HELZ: variants seen among roughly 807,000 people sequenced by gnomAD.
HELZ encodes helicase with zinc finger, also known as ATP-dependent RNA helicase with zinc finger domain.
Under a neutral mutation model 218.2 loss-of-function variants are expected in HELZ, and 23 were observed. The observed-to-expected ratio is 0.11, with a 90% CI of 0.08 to 0.15. The LOEUF (loss-of-function observed/expected upper bound fraction) is 0.15, where lower values mean the gene tolerates loss of function less well. HELZ is among the 10% of genes least tolerant of loss of function. HELZ has a pLI of 1.00. For synonymous variants in HELZ, 814 were observed against 829.4 expected, an observed-to-expected ratio of 0.98 and a Z score of 0.32; for missense variants, 1,813 against 2,353.7, an observed-to-expected ratio of 0.77 and a Z score of 4.75.
rs769150781 is a variant in HELZ at position 67,114,381 on chromosome 17, G to A, written c.3861C>T (p.Ser1287=). 1.1e-5 allele frequency: 17 copies of A among 1,608,270 alleles called. No homozygotes were observed. Among genetic ancestry groups the A allele is most frequent in the East Asian group, 2.2e-5 (1 of 44,802 alleles). Residue 1287 remains serine (S), a synonymous_variant, in exon 28 of 33, where the codon TCC becomes TCT. Transcript: ENST00000358691. The part of the protein sequence containing the change: ...NRNGKSDTNN[S]GPEINKIRTP... The stretch of plus-strand genomic sequence containing the variant: ...TTCGAATCTTATTAATTTCAGGTCC[G>A]GAATTATTTGTATCACTTTTACCTA...
At chr17:67,114,896 G>A (rs959058893) in intron 27 of HELZ, among the ~76,000 whole-genome samples, 5 of 152,124 alleles carry the variant, frequency 3.3e-5, no homozygotes, top group South Asian at 2.1e-4. Context: ...ATATCAAACC[G>A]TGTATAAGTG....
At chr17:67,155,528 T>C (rs1049203723) in intron 17 of HELZ, among the ~76,000 whole-genome samples, 2 of 152,238 alleles carry the variant, frequency 1.3e-5, no homozygotes, top group Non-Finnish European at 2.9e-5. Context: ...TGCATATTAT[T>C]TGTTAGGAGC....
intron 1 of HELZ, chr17:67,244,836 A>G: frequency 1.0e-6 from 1 of 985,392 alleles, no homozygotes; most frequent in Non-Finnish European, 1.2e-6. Flanking sequence ...GGGCCGGAGA[A>G]ACCTCCCGCA....
In HELZ at chr17:67,104,219, G is replaced by A. The variant is rs935740377; in HGVS notation, c.5241+2950C>T. 3.3e-5 allele frequency among the ~76,000 whole-genome samples: 5 copies of A among 152,170 alleles called. No individual in the cohort carries two copies. In the South Asian group the frequency reaches 8.3e-4, roughly 25 times the overall value. On this transcript the variant is annotated intron_variant, in intron 31 of 32. Transcript: ENST00000358691. ...GGAGGCCGAGGCGAGCAGATCACGA[G>A]GTCAGGAGATTGAGACTATCCTGGC...
At chr17:67,104,231 G>A (rs887940854) in intron 31 of HELZ, among the ~76,000 whole-genome samples, 3 of 151,932 alleles carry the variant, frequency 2.0e-5, no homozygotes, top group African/African-American at 7.3e-5. Flanking sequence ...TCAGGAGATT[G>A]AGACTATCCT....
intron 29 of HELZ, 43 bp downstream of exon 29, chr17:67,109,073 A>T: frequency 1.4e-6 from 2 of 1,431,572 alleles, no homozygotes; most frequent in Non-Finnish European, 1.9e-6. Flanking sequence ...AAGTCATGTT[A>T]AGTAATCTCT....
intron 7 of HELZ, among the ~76,000 whole-genome samples, chr17:67,195,896 G>C (rs2040015295): frequency 7.3e-6 from 1 of 136,064 alleles, no homozygotes; most frequent in Admixed American, 8.3e-5. Context: ...CTTTTGCCCA[G>C]GCTGGAGTGA....
intron 13 of HELZ, among the ~76,000 whole-genome samples, chr17:67,175,500 T>G (rs1167013445): frequency 6.6e-6 from 1 of 152,218 alleles, no homozygotes; most frequent in East Asian, 1.9e-4. Flanking sequence ...AACAAAATAC[T>G]CTTTTAAGCA....
At chr17:67,189,467 T>G in intron 11 of HELZ, 122 bp downstream of exon 11, 1 of 622,452 alleles carries the variant, frequency 1.6e-6, no homozygotes, top group Admixed American at 2.8e-5. Flanking sequence ...ATATAGAACC[T>G]ATATATAATG....
In HELZ at chr17:67,128,700, C is replaced by T; in HGVS notation, c.3338G>A (p.Arg1113Lys). The part of the protein sequence containing the change: ...LAPEFIPRAL[R>K]LQHSGSTNKQ... ...GTTGGTACTTCCTGAATGCTGCAGT[C>T]TTAGAGCCCGGGGGATAAATTCAGG... Residue 1113 changes from arginine (R) to lysine (K), a missense_variant, in exon 24 of 33, where the codon AGA (arginine) becomes AAA (lysine). Coordinates refer to ENST00000358691, the MANE Select transcript of HELZ (RefSeq NM_014877.4). 6.2e-7 allele frequency: 1 copy of T among 1,614,148 alleles called. No individual in the cohort carries two copies. Among genetic ancestry groups the T allele is most frequent in the Non-Finnish European group, 8.5e-7 (1 of 1,180,016 alleles).
At chr17:67,242,545 CACACATATATGTATATATACACACATATA>C (rs1567923157) in intron 2 of HELZ, among the ~76,000 whole-genome samples, 29 of 131,432 alleles carry the variant, frequency 2.2e-4, no homozygotes, top group Non-Finnish European at 4.5e-4. Flanking sequence ...TGTATATATA[CACACATATATGTATATATACACACATATA>C]TGTATATATA....
At chr17:67,099,813 T>A (rs1213384986) in intron 31 of HELZ, among the ~76,000 whole-genome samples, 2 of 152,048 alleles carry the variant, frequency 1.3e-5, no homozygotes, top group East Asian at 3.8e-4. Flanking sequence ...AATCACCAAG[T>A]AAGAGCTAAA....
chr17:67,079,320 T>G (rs1212642117), intron 32 of HELZ, among the ~76,000 whole-genome samples: 1 of 152,246 alleles, frequency 6.6e-6, no homozygotes, highest in African/African-American at 2.4e-5. Flanking sequence ...AAGAAGAAAG[T>G]CATTCATACT....
At chr17:67,177,783 A>G (rs962442721) in intron 13 of HELZ, among the ~76,000 whole-genome samples, 1 of 152,166 alleles carries the variant, frequency 6.6e-6, no homozygotes, top group Non-Finnish European at 1.5e-5. Context: ...AAGTTAGATC[A>G]TAACTAATCT....
At chr17:67,209,525 A>G (rs543053227) in intron 5 of HELZ, among the ~76,000 whole-genome samples, 2 of 152,226 alleles carry the variant, frequency 1.3e-5, no homozygotes, top group South Asian at 4.2e-4. Flanking sequence ...TTGAACCCAG[A>G]AGGCAGAGGT....
At chr17:67,155,364 G>A (rs553593680) in intron 17 of HELZ, among the ~76,000 whole-genome samples, 2 of 152,296 alleles carry the variant, frequency 1.3e-5, no homozygotes, top group South Asian at 2.1e-4. Flanking sequence ...AATTATCTAA[G>A]AGCTGTAACA....
intron 24 of HELZ, among the ~76,000 whole-genome samples, chr17:67,126,894 A>G (rs2037816850): frequency 6.6e-6 from 1 of 152,186 alleles, no homozygotes; most frequent in Non-Finnish European, 1.5e-5. Context: ...TGTAGCACTA[A>G]GCTAGAGCTA....
At chr17:67,216,955 C>T (rs1428032655) in intron 4 of HELZ, among the ~76,000 whole-genome samples, 1 of 152,188 alleles carries the variant, frequency 6.6e-6, no homozygotes, top group Non-Finnish European at 1.5e-5. Context: ...GCCCAAGACT[C>T]GGCCCTCAGT....
At chr17:67,183,792 T>C (rs1030498983) in intron 12 of HELZ, among the ~76,000 whole-genome samples, 1 of 152,018 alleles carries the variant, frequency 6.6e-6, no homozygotes, top group Non-Finnish European at 1.5e-5. Flanking sequence ...GAAAAGCCTA[T>C]CCTTAGTCCA....
Sources: gnomAD v4.1 joint callset for allele counts (sites outside exome capture counted in the v4.1 genomes callset) on GRCh38, gnomAD v4.1.1 for gene constraint, MANE v1.5 for transcripts, NCBI Gene and HGNC (gene_info 2026-07-23, HGNC 2026-07-21) for gene names.